Variants in SCUBE1 observed in about 807,000 individuals in gnomAD.
SCUBE1 encodes the protein signal peptide, CUB domain and EGF like domain containing 1.
A neutral mutation model predicts 124.4 loss-of-function variants in SCUBE1; 59 were observed. The ratio of observed to expected loss-of-function variants is 0.47; its 90% CI spans 0.38 to 0.59. The LOEUF (loss-of-function observed/expected upper bound fraction) is 0.59, where lower values mean the gene tolerates loss of function less well. Among genes scored for constraint, SCUBE1 ranks in the 20% least tolerant of loss-of-function variants. The pLI is 0.00. For missense variants in SCUBE1, 1,150 were observed against 1,371.2 expected (o/e 0.84, Z 2.55); for synonymous variants, 545 against 550.9 (o/e 0.99, Z 0.15).
chr22:43,343,230 C>A lies in SCUBE1; in HGVS notation c.32G>T (p.Cys11Phe). MGAAAVRWHL[C>F]VLLALGTRGR... is the part of the protein sequence containing the mutation. ...GCGTGTGCCCAGGGCCAGCAGCACG[C>A]ACAAGTGCCAGCGCACGGCCGCCGC... Residue 11 changes from cysteine (C) to phenylalanine (F), a missense_variant, in exon 1 of 22, where the codon TGC becomes TTC. This residue lies in a region of SCUBE1 where 56 missense variants were observed against 48.1 expected (regional missense o/e 1.16). Coordinates refer to ENST00000360835, the MANE Select transcript of SCUBE1 (RefSeq NM_173050.5). 8.3e-7 allele frequency: 1 copy of A among 1,208,024 alleles called. No homozygotes were observed. Among genetic ancestry groups the A allele is most frequent in the South Asian group, 2.5e-5 (1 of 39,504 alleles). 74.8% of individuals were successfully genotyped at this position (1,208,024 alleles called of 1,614,324 possible). A position where few individuals can be genotyped will look rare whatever the true frequency, so the allele number is the denominator to read the frequency against.
chr22:43,320,298 C>T (rs190252197), intron 2 of SCUBE1, among the ~76,000 whole-genome samples: 1 of 152,306 alleles, frequency 6.6e-6, no homozygotes, highest in African/African-American at 2.4e-5. Context: ...TCTGCCTCCA[C>T]GGAGCCAGTG....
intron 3 of SCUBE1, among the ~76,000 whole-genome samples, chr22:43,305,433 T>C (rs1314327997): frequency 6.6e-6 from 1 of 151,912 alleles, no homozygotes; most frequent in Admixed American, 6.6e-5. Flanking sequence ...AGGGAGCAGG[T>C]CCCTCTGCCC....
At position 43,203,181 on chromosome 22, in the gene SCUBE1, C is replaced by T. The variant is rs1921074809; in HGVS notation, c.*816G>A. ...AGGCAAGCTGTGCTCTCCCCAGCCC[C>T]AAGGGCTGCCGGCCTCACAGAAACA... On this transcript the variant is annotated 3_prime_UTR_variant, in exon 22 of 22. Transcript: ENST00000360835. 6.6e-6 allele frequency: 1 copy of T among 152,050 alleles called. No individual in the cohort carries two copies. Among genetic ancestry groups the T allele is most frequent in the Non-Finnish European group, 1.5e-5 (1 of 68,024 alleles). 9.4% of individuals were successfully genotyped at this position (152,050 alleles called of 1,614,324 possible).
intron 3 of SCUBE1, among the ~76,000 whole-genome samples, chr22:43,297,926 G>A (rs1925624907): frequency 6.6e-6 from 1 of 152,184 alleles, no homozygotes; most frequent in African/African-American, 2.4e-5. Context: ...ACTGGCTCCG[G>A]TGTCCCAGCT....
chr22:43,343,367 C>T lies in SCUBE1; in HGVS notation c.-106G>A. The T allele has an allele frequency of 4.3e-6, 2 of 461,850 alleles. No individual in the cohort carries two copies. The highest frequency in any genetic ancestry group is 5.8e-6 in the Non-Finnish European group (2 of 342,254). 28.6% of individuals were successfully genotyped at this position (461,850 alleles called of 1,614,324 possible). On this transcript the variant is annotated 5_prime_UTR_variant, in exon 1 of 22. Coordinates refer to ENST00000360835, the MANE Select transcript of SCUBE1 (RefSeq NM_173050.5). The stretch of plus-strand genomic sequence containing the variant: ...CGCTGCTCGCCGCTCCGCCACCGCT[C>T]GGGCTCCCGAGCCGCCCAGCCAGCC...
chr22:43,242,691 C>CGG (rs1402724829), intron 6 of SCUBE1, among the ~76,000 whole-genome samples: 3 of 152,204 alleles, frequency 2.0e-5, no homozygotes, highest in African/African-American at 7.2e-5. Flanking sequence ...AGCTTTGTCC[C>CGG]GGGGAGCTAA....
intron 3 of SCUBE1, among the ~76,000 whole-genome samples, chr22:43,294,979 A>C (rs1247323014): frequency 1.3e-5 from 2 of 152,188 alleles, no homozygotes; most frequent in Non-Finnish European, 2.9e-5. Context: ...TATTCTTATT[A>C]TCCCTGATTC....
Position 43,231,955 on chromosome 22 carries a change from G to A in SCUBE1, c.845-80C>T, listed in dbSNP as rs552451686. On this transcript the variant is annotated intron_variant, in intron 7 of 21. Transcript: ENST00000360835. The stretch of plus-strand genomic sequence containing the variant: ...ACCAGCGGGGGGACGGCAGGCTAGC[G>A]GCAGGGGATGACACTGCCCTGAGTT... The A allele has an allele frequency of 3.1e-5, 49 of 1,558,402 alleles. No individual in the cohort carries two copies. The African/African-American group carries it at 3.9e-4, about 12-fold the overall frequency.
chr22:43,316,797 C>T (rs541739072), intron 3 of SCUBE1: 2 of 152,436 alleles, frequency 1.3e-5, no homozygotes, highest in South Asian at 2.1e-4. Context: ...TCTTCACAGG[C>T]CTCTCTGGGC....
Position 43,222,080 on chromosome 22 carries a change from A to G in SCUBE1, c.1432+558T>C, listed in dbSNP as rs537686182. On this transcript the variant is annotated intron_variant, in intron 12 of 21. Transcript: ENST00000360835. ...CTCCGTTTTAAAAATAATAATAATA[A>G]TAATAAAGAAACATACAGAAATGCA... Among the ~76,000 whole-genome samples, 28 of 152,238 alleles carry G rather than the reference A, an allele frequency of 1.8e-4. No individual in the cohort carries two copies. The South Asian group carries it at 5.2e-3, about 28-fold the overall frequency.
chr22:43,273,394 C>T (rs974624367), intron 4 of SCUBE1, among the ~76,000 whole-genome samples: 1 of 152,002 alleles, frequency 6.6e-6, no homozygotes, highest in African/African-American at 2.4e-5. Context: ...TTGGGAGGAC[C>T]AAGAAACATT....
In SCUBE1 at chr22:43,314,227, C is replaced by T. The variant is rs74339822; in HGVS notation, c.349+5710G>A. On this transcript the variant is annotated intron_variant, in intron 3 of 21. Transcript: ENST00000360835. ...GTGCAGGAAGCTTTGTCAGGCAGCACAAAGAATTCCAAACATTTCCAGGCA... is the reference window on the plus strand; with the variant it reads ...GTGCAGGAAGCTTTGTCAGGCAGCATAAAGAATTCCAAACATTTCCAGGCA... Among the ~76,000 whole-genome samples, 593 of 152,248 alleles carry T rather than the reference C, an allele frequency of 3.9e-3. 6 individuals are homozygous for T. The highest frequency in any genetic ancestry group is 0.014 in the African/African-American group (567 of 41,536).
chr22:43,272,819 G>A (rs961301707), intron 4 of SCUBE1, among the ~76,000 whole-genome samples: 5 of 152,306 alleles, frequency 3.3e-5, no homozygotes, highest in African/African-American at 1.2e-4. Context: ...ACTGGAAGGC[G>A]CCTTGGAGAG....
chr22:43,214,863 G>A (rs1258779600), intron 15 of SCUBE1, among the ~76,000 whole-genome samples: 1 of 152,144 alleles, frequency 6.6e-6, no homozygotes, highest in Non-Finnish European at 1.5e-5. Context: ...AAAGGGAGCC[G>A]AGTTTCTCAG....
chr22:43,277,593 T>C (rs1924584078), intron 4 of SCUBE1, among the ~76,000 whole-genome samples: 1 of 152,210 alleles, frequency 6.6e-6, no homozygotes, highest in African/African-American at 2.4e-5. Flanking sequence ...AATCTTGGCT[T>C]TGCTACTTCT....
intron 2 of SCUBE1, among the ~76,000 whole-genome samples, chr22:43,322,533 TAC>T (rs749322776): frequency 6.6e-6 from 1 of 152,222 alleles, no homozygotes; most frequent in Non-Finnish European, 1.5e-5. Flanking sequence ...GTGGTTTTTC[TAC>T]ACCCTTAATA....
At chr22:43,279,765 CCCT>C (rs1212433402) in intron 4 of SCUBE1, among the ~76,000 whole-genome samples, 12 of 152,330 alleles carry the variant, frequency 7.9e-5, no homozygotes, top group Admixed American at 5.2e-4. Flanking sequence ...TCAGGTTGGA[CCCT>C]CCTACAGCCT....
At chr22:43,235,372 T>C (rs114145265) in intron 7 of SCUBE1, among the ~76,000 whole-genome samples, 10,447 of 150,734 alleles carry the variant, frequency 0.069, 407 homozygotes, top group African/African-American at 0.1. Flanking sequence ...GGAGGGCTTC[T>C]GGGTGGGAGC....
At chr22:43,260,287 T>A (rs369327263) in intron 5 of SCUBE1, among the ~76,000 whole-genome samples, 14 of 152,342 alleles carry the variant, frequency 9.2e-5, no homozygotes, top group African/African-American at 3.4e-4. Flanking sequence ...TTTGTGCGTC[T>A]CACAGACCCC....
Sources: allele counts gnomAD v4.1 joint callset (sites outside exome capture counted in the v4.1 genomes callset), GRCh38; gene constraint gnomAD v4.1.1; regional missense constraint gnomAD v4.1.1; transcripts MANE v1.5; gene names NCBI Gene and HGNC (gene_info 2026-07-23, HGNC 2026-07-21).